PXK: variants seen among roughly 807,000 people sequenced by gnomAD.
PXK encodes the protein PX domain containing serine/threonine kinase like, also known as PX domain-containing protein kinase-like protein.
A neutral mutation model predicts 84.7 loss-of-function variants in PXK; 35 were observed. That is an observed-to-expected ratio of 0.41 (90% CI 0.32 to 0.55). The LOEUF (loss-of-function observed/expected upper bound fraction) is 0.55. Ranked by LOEUF, PXK falls within the 20% of genes least tolerant of loss-of-function variation. The pLI, the probability that PXK is intolerant of heterozygous loss-of-function variation, is 0.21. For missense variants in PXK, 634 were observed against 699.7 expected, an observed-to-expected ratio of 0.91 and a Z score of 1.06; for synonymous variants, 253 against 260.8, an observed-to-expected ratio of 0.97 and a Z score of 0.29.
In PXK at chr3:58,385,510, GT is replaced by G. The variant is rs1221119813; in HGVS notation, c.388+2816del. ...CTAAGCAGGGCCGCTTTCCCTGTTT[GT>G]TTTTTGAGCAAGGGTCTCACTCTGT... is the stretch of plus-strand genomic sequence containing the variant. On this transcript the variant is annotated intron_variant, in intron 4 of 17. Transcript: ENST00000356151. This position sits in a 1 kb window ranked among gnomAD's most constrained non-coding sequence, Gnocchi z 5.1. Among the ~76,000 whole-genome samples, 3 of 152,124 alleles carry G rather than the reference GT, an allele frequency of 2.0e-5. No individual in the cohort carries two copies. Among genetic ancestry groups the G allele is most frequent in the Admixed American group, 2.0e-4 (3 of 15,274 alleles).
At chr3:58,405,176 G>A (rs1230329142) in intron 13 of PXK, among the ~76,000 whole-genome samples, 2 of 152,180 alleles carry the variant, frequency 1.3e-5, no homozygotes, top group Non-Finnish European at 2.9e-5. Context: ...GACTGGTAAT[G>A]TTGGTTTCCT....
chr3:58,377,160 G>A (rs999956521), intron 3 of PXK, among the ~76,000 whole-genome samples: 1 of 152,264 alleles, frequency 6.6e-6, no homozygotes, highest in African/African-American at 2.4e-5. Flanking sequence ...TTTACTCTGT[G>A]TATGCTCTGA....
In PXK at chr3:58,383,476, A is replaced by G. The variant is rs2098524021; in HGVS notation, c.388+776A>G. ...TCTGGGAATTTACTTTAAACACAGCAGTGATTCAGAAGGGTCCTCTCTGTG... is the reference window on the plus strand; with the variant it reads ...TCTGGGAATTTACTTTAAACACAGCGGTGATTCAGAAGGGTCCTCTCTGTG... On this transcript the variant is annotated intron_variant, in intron 4 of 17. Transcript: ENST00000356151. The surrounding 1 kb of genome is among the most constrained non-coding windows in gnomAD (Gnocchi z 4.0). Among the ~76,000 whole-genome samples, 1 of 152,208 alleles carries G rather than the reference A, an allele frequency of 6.6e-6. No individual in the cohort carries two copies. The highest frequency in any genetic ancestry group is 6.5e-5 in the Admixed American group (1 of 15,276).
intron 1 of PXK, among the ~76,000 whole-genome samples, chr3:58,337,373 A>G (rs2097641371): frequency 6.6e-6 from 1 of 152,226 alleles, no homozygotes; most frequent in Admixed American, 6.5e-5. Flanking sequence ...CATTCAACAA[A>G]AATGTATTAA....
intron 1 of PXK, among the ~76,000 whole-genome samples, chr3:58,357,964 C>CAA (rs111921619): frequency 0.01 from 1,560 of 148,846 alleles, 35 homozygotes; most frequent in African/African-American, 0.037. Flanking sequence ...GACTCTGTCT[C>CAA]AAAACAAAAA....
At position 58,333,112 on chromosome 3, in the gene PXK, C is replaced by A. The variant is rs1414399888; in HGVS notation, c.102+22C>A. 1.8e-6 allele frequency: 2 copies of A among 1,122,334 alleles called. No individual in the cohort carries two copies. The highest frequency in any genetic ancestry group is 2.2e-6 in the Non-Finnish European group (2 of 916,212). The allele number at this position is 1,122,334 out of a possible 1,614,324, so 69.5% of individuals were successfully genotyped here. On this transcript the variant is annotated intron_variant, in intron 1 of 17. Transcript: ENST00000356151. This position sits in a 1 kb window ranked among gnomAD's most constrained non-coding sequence, Gnocchi z 5.4. ...CACGGTGCGCGGCCCAGCGGGCGGG[C>A]GGGCGGCGTGGGGCGGCCCCGGGCC...
At position 58,411,477 on chromosome 3, in the gene PXK, A is replaced by G. The variant is rs995946324; in HGVS notation, c.1465+1318A>G. On this transcript the variant is annotated intron_variant, in intron 16 of 17. Transcript: ENST00000356151. This position sits in a 1 kb window ranked among gnomAD's most constrained non-coding sequence, Gnocchi z 4.2. ...GGTGGGTAGTTTCAGTTGGAAGCCT[A>G]TCTTCGCCATGGTTGATGGGAGGGA... is the stretch of plus-strand genomic sequence containing the variant. 7.9e-5 allele frequency among the ~76,000 whole-genome samples: 12 copies of G among 152,140 alleles called. No individual in the cohort carries two copies. Among genetic ancestry groups the G allele is most frequent in the African/African-American group, 2.9e-4 (12 of 41,434 alleles).
chr3:58,381,451 T>C (rs1204901786), intron 3 of PXK, among the ~76,000 whole-genome samples: 4 of 151,128 alleles, frequency 2.6e-5, no homozygotes, highest in Non-Finnish European at 5.9e-5. Context: ...GAGTAGGTTG[T>C]TGGACTCTGG....
At chr3:58,340,290 T>C (rs1339900916) in intron 1 of PXK, among the ~76,000 whole-genome samples, 1 of 151,484 alleles carries the variant, frequency 6.6e-6, no homozygotes, top group Non-Finnish European at 1.5e-5. Flanking sequence ...ACCTGGCTAA[T>C]TTTTAAATTT....
At position 58,365,887 on chromosome 3, in the gene PXK, G is replaced by T; in HGVS notation, c.116G>T (p.Arg39Leu). Reference sequence around the variant, plus strand: ...TCTCTTTTTAAGGAATATATTATTCGAGTGCAAAGAGGAATTTCTGTGGAA... The same window carrying T: ...TCTCTTTTTAAGGAATATATTATTCTAGTGCAAAGAGGAATTTCTGTGGAA... ...SLQSHTEYII[R>L]VQRGISVENS... Residue 39 changes from arginine (R) to leucine (L), a missense_variant, in exon 2 of 18, where the codon CGA (arginine) becomes CTA (leucine). Arg to Leu is a moderately radical substitution (Grantham distance 102, BLOSUM62 -2). Around this residue, in one of 3 missense-constraint regions of PXK, gnomAD observed 353 missense variants for 385.2 expected, o/e 0.92. Transcript: ENST00000356151. 1 of 1,575,232 alleles carries T rather than the reference G, an allele frequency of 6.3e-7. No homozygotes were observed. Among genetic ancestry groups the T allele is most frequent in the South Asian group, 1.2e-5 (1 of 83,244 alleles).
chr3:58,353,248 C>T (rs1000112462), intron 1 of PXK, among the ~76,000 whole-genome samples: 6 of 152,144 alleles, frequency 3.9e-5, no homozygotes, highest in African/African-American at 1.2e-4. Context: ...CCGCCCGCCT[C>T]GGCCTCCCAA....
Position 58,421,081 on chromosome 3 carries a change from C to G in PXK, c.1529-3671C>G. 1.0e-6 allele frequency: 1 copy of G among 992,970 alleles called. No individual in the cohort carries two copies. The highest frequency in any genetic ancestry group is 1.2e-6 in the Non-Finnish European group (1 of 835,064). 61.5% of individuals were successfully genotyped at this position (992,970 alleles called of 1,614,324 possible). A position where few individuals can be genotyped will look rare whatever the true frequency, so the allele number is the denominator to read the frequency against. ...ACAGGAGTACAGCCTCCTCACCTGCCTGAAGCCAAAGGAGAAGGTGGTTCT... is the reference window on the plus strand; with the variant it reads ...ACAGGAGTACAGCCTCCTCACCTGCGTGAAGCCAAAGGAGAAGGTGGTTCT... On this transcript the variant is annotated intron_variant, in intron 17 of 17. Coordinates refer to ENST00000356151, the MANE Select transcript of PXK (RefSeq NM_017771.5). The surrounding 1 kb of genome is among the most constrained non-coding windows in gnomAD (Gnocchi z 5.5).
intron 1 of PXK, among the ~76,000 whole-genome samples, chr3:58,337,839 C>T (rs370727265): frequency 1.1e-4 from 16 of 152,188 alleles, no homozygotes; most frequent in Non-Finnish European, 1.8e-4. Flanking sequence ...TTCAGCTTCT[C>T]ATCAGTGACC....
chr3:58,422,621 T>G, intron 17 of PXK: 2 of 985,372 alleles, frequency 2.0e-6, no homozygotes, highest in Non-Finnish European at 2.4e-6. Context: ...ACTCCCAAAC[T>G]CTGCGGTGGT....
chr3:58,359,923 G>A (rs1377248731), intron 1 of PXK, among the ~76,000 whole-genome samples: 1 of 152,202 alleles, frequency 6.6e-6, no homozygotes, highest in Non-Finnish European at 1.5e-5. Context: ...TGAGACAGAA[G>A]AATTGCTGGA....
chr3:58,344,450 C>T (rs11717423), intron 1 of PXK, among the ~76,000 whole-genome samples: 55 of 152,262 alleles, frequency 3.6e-4, no homozygotes, highest in African/African-American at 1.3e-3. Context: ...CACGTTTTGA[C>T]AGCCATGCTT....
At position 58,409,097 on chromosome 3, in the gene PXK, T is replaced by C; in HGVS notation, c.1308+96T>C. On this transcript the variant is annotated intron_variant, in intron 14 of 17. Transcript: ENST00000356151. This position sits in a 1 kb window ranked among gnomAD's most constrained non-coding sequence, Gnocchi z 4.2. ...CCTTTGACTGTTCCCTCTGCAAATATTTTAAGCATACTTACTCTCAGCCAG... is the reference window on the plus strand; with the variant it reads ...CCTTTGACTGTTCCCTCTGCAAATACTTTAAGCATACTTACTCTCAGCCAG... 1.1e-6 allele frequency: 1 copy of C among 929,480 alleles called. No homozygotes were observed. The highest frequency in any genetic ancestry group is 1.5e-5 in the South Asian group (1 of 66,586). The allele number at this position is 929,480 out of a possible 1,614,324, so 57.6% of individuals were successfully genotyped here.
At chr3:58,357,666 C>T (rs76017026) in intron 1 of PXK, among the ~76,000 whole-genome samples, 2,147 of 152,268 alleles carry the variant, frequency 0.014, 61 homozygotes, top group African/African-American at 0.049. Flanking sequence ...AGACCTTGGC[C>T]AGGCGTTGTG....
chr3:58,382,655 GT>G lies in PXK; in HGVS notation c.345del (p.Lys116ArgfsTer4). On this transcript the variant is annotated frameshift_variant, in exon 4 of 18. Transcript: ENST00000356151. LOFTEE classifies it high-confidence loss of function. ...TCATATCTTGTCTAATTGTGAGCTG[GT>G]TAAGAAGTTTTTAGATCCAAACAAC... ...TNHILSNCEL[V>X]KKFLDPNNYS... 1 of 1,585,656 alleles carries G rather than the reference GT, an allele frequency of 6.3e-7. No homozygotes were observed. The highest frequency in any genetic ancestry group is 8.5e-7 in the Non-Finnish European group (1 of 1,171,228).
Sources: gnomAD v4.1 joint callset for allele counts (sites outside exome capture counted in the v4.1 genomes callset) on GRCh38, gnomAD v4.1.1 for gene constraint, gnomAD v4.1.1 regional missense constraint, Gnocchi (gnomAD v3.1) non-coding constraint, MANE v1.5 for transcripts, NCBI Gene and HGNC (gene_info 2026-07-23, HGNC 2026-07-21) for gene names.